The following SBF2 variants were observed in gnomAD, a reference collection of about 807,000 sequenced individuals.
SBF2 encodes the protein myotubularin-related protein 13.
In SBF2, 112 loss-of-function variants were observed where a neutral mutation model predicts 225.2. The observed-to-expected ratio is 0.50, with a 90% CI of 0.43 to 0.58. The LOEUF (loss-of-function observed/expected upper bound fraction) is 0.58, where lower values mean the gene tolerates loss of function less well. SBF2 is among the 20% of genes least tolerant of loss of function. The pLI is 0.00. For synonymous variants in SBF2, 763 were observed against 773.3 expected (o/e 0.99, Z 0.22); for missense variants, 1,996 against 2,206.2 (o/e 0.90, Z 1.91).
chr11:10,230,889 A>G (rs1180633103), intron 1 of SBF2, among the ~76,000 whole-genome samples: 1 of 152,088 alleles, frequency 6.6e-6, no homozygotes, highest in Non-Finnish European at 1.5e-5. Flanking sequence ...CTCCTGGATA[A>G]TATCCTGCAG....
chr11:10,259,526 T>C (rs915646220), intron 1 of SBF2, among the ~76,000 whole-genome samples: 1 of 152,226 alleles, frequency 6.6e-6, no homozygotes, highest in Non-Finnish European at 1.5e-5. Context: ...CTGATAAATA[T>C]TGCTTTTCAA....
Position 9,937,703 on chromosome 11 carries a change from C to T in SBF2, c.1860+24254G>A, listed in dbSNP as rs147622853. On this transcript the variant is annotated intron_variant, in intron 16 of 39. Coordinates refer to ENST00000256190, the MANE Select transcript of SBF2 (RefSeq NM_030962.4). The stretch of plus-strand genomic sequence containing the variant: ...ACTTTCTTTTGAATTGGTATTATTG[C>T]ATGTCTAGAAAACCCAAGAAACTAA... Among the ~76,000 whole-genome samples the T allele has an allele frequency of 3.6e-3, 540 of 151,992 alleles. 3 individuals carry two copies. The highest frequency in any genetic ancestry group is 0.012 in the African/African-American group (513 of 41,484).
At chr11:10,068,055 A>G (rs1257193395) in intron 2 of SBF2, among the ~76,000 whole-genome samples, 1 of 152,216 alleles carries the variant, frequency 6.6e-6, no homozygotes, top group African/African-American at 2.4e-5. Context: ...GAAATCATGA[A>G]ATGAAGCAAT....
chr11:9,824,698 C>T (rs1854969194), intron 28 of SBF2, among the ~76,000 whole-genome samples: 1 of 152,030 alleles, frequency 6.6e-6, no homozygotes, highest in Non-Finnish European at 1.5e-5. Context: ...GAATGGATAA[C>T]ATGGTGACGT....
intron 2 of SBF2, among the ~76,000 whole-genome samples, chr11:10,125,318 C>A (rs546361957): frequency 6.6e-6 from 1 of 152,070 alleles, no homozygotes; most frequent in South Asian, 2.1e-4. Flanking sequence ...ATTTTTGCAA[C>A]CATATTTTCC....
At chr11:9,972,464 T>A (rs572361289) in intron 13 of SBF2, among the ~76,000 whole-genome samples, 116 of 152,274 alleles carry the variant, frequency 7.6e-4, no homozygotes, top group African/African-American at 2.6e-3. Context: ...ATAGTAGTAG[T>A]ATCCAATATG....
chr11:10,138,777 T>C (rs1388586836), intron 2 of SBF2, among the ~76,000 whole-genome samples: 1 of 152,194 alleles, frequency 6.6e-6, no homozygotes, highest in South Asian at 2.1e-4. Context: ...TTTGATTCCA[T>C]GGTGGTGAGA....
chr11:9,946,063 C>T (rs1865544519), intron 16 of SBF2, among the ~76,000 whole-genome samples: 1 of 152,132 alleles, frequency 6.6e-6, no homozygotes, highest in South Asian at 2.1e-4. Flanking sequence ...ACCATTCAAC[C>T]CAGCAATTCC....
intron 16 of SBF2, among the ~76,000 whole-genome samples, chr11:9,905,146 T>C (rs1464273237): frequency 2.0e-5 from 3 of 152,198 alleles, no homozygotes; most frequent in Non-Finnish European, 4.4e-5. Context: ...ATACTTAAAA[T>C]TGTACCTGGT....
intron 2 of SBF2, among the ~76,000 whole-genome samples, chr11:10,154,682 G>C (rs1191705741): frequency 2.0e-5 from 3 of 152,092 alleles, no homozygotes; most frequent in Admixed American, 2.0e-4. Flanking sequence ...ATTTTTGATT[G>C]AATGCTAAAT....
chr11:9,962,816 G>A (rs183936776), intron 15 of SBF2, among the ~76,000 whole-genome samples: 2 of 152,254 alleles, frequency 1.3e-5, no homozygotes, highest in African/African-American at 2.4e-5. Context: ...AAGTAGGAGG[G>A]CATGATATCA....
intron 1 of SBF2, among the ~76,000 whole-genome samples, chr11:10,226,766 T>C (rs1465915517): frequency 6.6e-6 from 1 of 152,174 alleles, no homozygotes; most frequent in African/African-American, 2.4e-5. Flanking sequence ...TCTTTGCTAT[T>C]GTGAATAGTG....
chr11:9,919,690 C>A (rs993626533), intron 16 of SBF2, among the ~76,000 whole-genome samples: 11 of 152,198 alleles, frequency 7.2e-5, no homozygotes, highest in African/African-American at 2.6e-4. Context: ...CAGGGTGTGG[C>A]CCCGGGCTGT....
intron 1 of SBF2, among the ~76,000 whole-genome samples, chr11:10,271,196 C>CTTT (rs35931698): frequency 0.022 from 1,768 of 81,056 alleles, 229 homozygotes; most frequent in African/African-American, 0.065. Flanking sequence ...AATCTTGATT[C>CTTT]TTTTTTTTTT....
intron 6 of SBF2, among the ~76,000 whole-genome samples, chr11:10,012,306 G>A (rs1948488636): frequency 6.6e-6 from 1 of 151,994 alleles, no homozygotes; most frequent in South Asian, 2.1e-4. Context: ...CATCACACCT[G>A]GCTAGTTTTT....
chr11:10,064,579 G>T (rs1950566026), intron 2 of SBF2, among the ~76,000 whole-genome samples: 1 of 151,888 alleles, frequency 6.6e-6, no homozygotes, highest in African/African-American at 2.4e-5. Context: ...AAGGTTAAAA[G>T]AAAAAGGAGG....
At chr11:10,293,929 G>GGCCCCGACGCCCGGCCC in intron 1 of SBF2, 86 bp downstream of exon 1, 1 of 1,038,518 alleles carries the variant, frequency 9.6e-7, no homozygotes, top group Non-Finnish European at 1.2e-6. Flanking sequence ...CCCGACGCCC[G>GGCCCCGACGCCCGGCCC]TCCCCGACGC....
intron 38 of SBF2, among the ~76,000 whole-genome samples, chr11:9,783,705 T>C (rs1228806013): frequency 1.4e-4 from 22 of 152,224 alleles, no homozygotes; most frequent in Admixed American, 1.4e-3. Flanking sequence ...TTTCTTGACA[T>C]AGTCAGCAAG....
intron 2 of SBF2, among the ~76,000 whole-genome samples, chr11:10,093,021 C>CTT (rs35286829): frequency 3.4e-5 from 5 of 145,392 alleles, no homozygotes; most frequent in South Asian, 4.4e-4. Context: ...TTCCTTCTTT[C>CTT]TTTTTTTTTT....
Sources: gnomAD v4.1 joint callset for allele counts (sites outside exome capture counted in the v4.1 genomes callset) on GRCh38, gnomAD v4.1.1 for gene constraint, MANE v1.5 for transcripts, NCBI Gene and HGNC (gene_info 2026-07-23, HGNC 2026-07-21) for gene names.